The following BCLAF3 variants were observed in gnomAD, a reference collection of about 807,000 sequenced individuals.
The protein encoded by BCLAF3 is BCLAF1 and THRAP3 family member 3, also known as transient octamer binding factor 1.
In BCLAF3, 24 loss-of-function variants were observed where a neutral mutation model predicts 51.2. The observed-to-expected ratio is 0.47, with a 90% CI of 0.34 to 0.66. The LOEUF is 0.66. BCLAF3 is among the 30% of genes least tolerant of loss of function. BCLAF3 has a pLI of 0.01. For synonymous variants in BCLAF3, 152 were observed against 176.6 expected, an observed-to-expected ratio of 0.86 and a Z score of 1.10; for missense variants, 465 against 525.1, an observed-to-expected ratio of 0.89 and a Z score of 1.12.
intron 1 of BCLAF3, among the ~76,000 whole-genome samples, chrX:19,989,819 C>T (rs2072894541): frequency 9.1e-6 from 1 of 110,310 alleles, no homozygotes; most frequent in Non-Finnish European, 1.9e-5. Context: ...GTATAAATGG[C>T]TAAATGTTCC....
At position 19,913,941 on chromosome X, in the gene BCLAF3, A is replaced by G. The variant is rs1321210548; in HGVS notation, c.*3364T>C. 1 of 111,758 alleles carries G rather than the reference A, an allele frequency of 8.9e-6. No individual in the cohort carries two copies. The highest frequency in any genetic ancestry group is 1.9e-5 in the Non-Finnish European group (1 of 53,196). The allele number at this position is 111,758 out of a possible 1,213,427, so 9.2% of individuals were successfully genotyped here. On this transcript the variant is annotated 3_prime_UTR_variant, in exon 12 of 12. Transcript: ENST00000379682. ...ATGATTCCTCAGTTCTTAAATGTTC[A>G]TTCTGTATTTTAATGGACTCAGAGC...
rs1299520498 is a variant in BCLAF3 at position 19,915,028 on chromosome X, C to A, written c.*2277G>T. The A allele has an allele frequency of 9.1e-6, 1 of 109,741 alleles. No homozygotes were observed. Among genetic ancestry groups the A allele is most frequent in the Non-Finnish European group, 1.9e-5 (1 of 52,706 alleles). The allele number at this position is 109,741 out of a possible 1,213,427, so 9.0% of individuals were successfully genotyped here. A position where few individuals can be genotyped will look rare whatever the true frequency, so the allele number is the denominator to read the frequency against. Reference sequence around the variant, plus strand: ...AGGGACTGTGTCTTATTATCTTTGTCTTCCCAGTACCAGCGAAGGGCCTAG... The same window carrying A: ...AGGGACTGTGTCTTATTATCTTTGTATTCCCAGTACCAGCGAAGGGCCTAG... On this transcript the variant is annotated 3_prime_UTR_variant, in exon 12 of 12. Transcript: ENST00000379682.
In BCLAF3 at chrX:19,914,239, C is replaced by T. The variant is rs146601981; in HGVS notation, c.*3066G>A. On this transcript the variant is annotated 3_prime_UTR_variant, in exon 12 of 12. Transcript: ENST00000379682. ...TCTCCTCCACGTGGCCTGGTCACCT[C>T]GTCAGTGCCTTTGTCCATACTGGGG... The T allele has an allele frequency of 0.022, 2,448 of 111,502 alleles. 27 individuals carry two copies. The highest frequency in any genetic ancestry group is 0.034 in the Non-Finnish European group (1,809 of 53,143). 9.2% of individuals were successfully genotyped at this position (111,502 alleles called of 1,213,427 possible). A position where few individuals can be genotyped will look rare whatever the true frequency, so the allele number is the denominator to read the frequency against.
intron 1 of BCLAF3, among the ~76,000 whole-genome samples, chrX:19,974,448 C>T (rs907376958): frequency 8.9e-6 from 1 of 112,058 alleles, no homozygotes; most frequent in Non-Finnish European, 1.9e-5. Context: ...GGTCCAGGGG[C>T]TACAGAACCA....
chrX:19,961,849 C>T (rs950775462), intron 4 of BCLAF3, among the ~76,000 whole-genome samples: 2 of 112,185 alleles, frequency 1.8e-5, no homozygotes, highest in African/African-American at 6.5e-5. Context: ...CACAAGCCAT[C>T]CTGCAGGCCC....
chrX:19,966,086 T>A lies in BCLAF3; in HGVS notation c.605A>T (p.Gln202Leu). ...SEDFETRSSF[Q>L]KRYPEDRDFR... ...GTTTAATGTTTTCCTATACCTCTTC[T>A]GAAATGAGCTCCTTGTCTCAAAGTC... The change falls in exon 3 of 12, where the codon CAG becomes CTG. Residue 202 changes from glutamine to leucine, a missense_variant. Physicochemically the swap from Gln to Leu is moderately radical, Grantham distance 113. Transcript: ENST00000379682. 1.7e-6 allele frequency: 2 copies of A among 1,205,952 alleles called. No homozygotes were observed. The highest frequency in any genetic ancestry group is 1.1e-6 in the Non-Finnish European group (1 of 892,936).
chrX:19,921,239 G>A (rs2070147876), intron 11 of BCLAF3, among the ~76,000 whole-genome samples: 1 of 111,583 alleles, frequency 9.0e-6, no homozygotes, highest in Admixed American at 9.6e-5. Context: ...TGTGATCAAA[G>A]AGACTAAATT....
chrX:19,918,501 C>T (rs2070002158), intron 11 of BCLAF3, among the ~76,000 whole-genome samples: 1 of 104,573 alleles, frequency 9.6e-6, no homozygotes, highest in South Asian at 4.4e-4. Context: ...TCCCTCCACC[C>T]TTCCAATGAT....
At chrX:19,970,541 G>A (rs5955869) in intron 1 of BCLAF3, among the ~76,000 whole-genome samples, 33,019 of 110,631 alleles carry the variant, frequency 0.3, 5,669 homozygotes, top group African/African-American at 0.65. Flanking sequence ...TGCAGGCCAT[G>A]TAAGGTCTCT....
intron 10 of BCLAF3, among the ~76,000 whole-genome samples, chrX:19,932,716 G>A (rs2070614238): frequency 9.1e-6 from 1 of 109,527 alleles, no homozygotes; most frequent in South Asian, 3.9e-4. Flanking sequence ...ATTTTTAGTA[G>A]AGACAGGGTT....
chrX:19,982,034 T>C (rs1176115681), intron 1 of BCLAF3, among the ~76,000 whole-genome samples: 2 of 112,201 alleles, frequency 1.8e-5, no homozygotes, highest in Non-Finnish European at 3.8e-5. Context: ...ATGTTAATTC[T>C]ATCTCAACAA....
At chrX:19,917,796 G>C (rs1248036524) in intron 11 of BCLAF3, among the ~76,000 whole-genome samples, 1 of 111,711 alleles carries the variant, frequency 9.0e-6, no homozygotes, top group East Asian at 2.8e-4. Flanking sequence ...AAAGTTATTA[G>C]AGGGGGAAAT....
intron 10 of BCLAF3, 140 bp downstream of exon 10, chrX:19,935,669 T>C: frequency 2.0e-6 from 1 of 508,702 alleles, no homozygotes; most frequent in Admixed American, 3.1e-5. Flanking sequence ...TACAGTTAAC[T>C]ATAAATGTCC....
At chrX:19,928,552 C>T (rs2070436742) in intron 11 of BCLAF3, among the ~76,000 whole-genome samples, 1 of 110,950 alleles carries the variant, frequency 9.0e-6, no homozygotes, top group Non-Finnish European at 1.9e-5. Context: ...CATTGTACTC[C>T]AGCCTGGGGA....
intron 4 of BCLAF3, 36 bp from the exon 5 acceptor site, chrX:19,955,602 A>T (rs1312503601): frequency 9.2e-7 from 1 of 1,088,488 alleles, no homozygotes; most frequent in Non-Finnish European, 1.2e-6. Flanking sequence ...TAAATTTGAA[A>T]CTATTTTGTG....
intron 1 of BCLAF3, among the ~76,000 whole-genome samples, chrX:19,989,776 G>A (rs1406098307): frequency 2.7e-5 from 3 of 111,364 alleles, no homozygotes; most frequent in Non-Finnish European, 5.7e-5. Flanking sequence ...GTGAAACAAC[G>A]TATCTTCATT....
intron 10 of BCLAF3, among the ~76,000 whole-genome samples, chrX:19,933,200 G>A (rs2070631743): frequency 1.8e-5 from 2 of 112,239 alleles, no homozygotes; most frequent in South Asian, 7.4e-4. Flanking sequence ...TTTAGTGAAA[G>A]CCGAAATGTA....
In BCLAF3 at chrX:19,920,216, T is replaced by C. The variant is rs371628900; in HGVS notation, c.2107-2882A>G. Among the ~76,000 whole-genome samples, 19 of 112,081 alleles carry C rather than the reference T, an allele frequency of 1.7e-4. No homozygotes were observed. The East Asian group carries it at 5.3e-3, about 31-fold the overall frequency. ...CTCATTGATGAGGAAATTAAGTATG[T>C]TCTGTGAGACTCCACTGGGAGAGAA... On this transcript the variant is annotated intron_variant, in intron 11 of 11. Coordinates refer to ENST00000379682, the MANE Select transcript of BCLAF3 (RefSeq NM_001367774.2).
At chrX:19,939,042 G>A (rs1334057229) in intron 8 of BCLAF3, among the ~76,000 whole-genome samples, 1 of 112,164 alleles carries the variant, frequency 8.9e-6, no homozygotes, top group Non-Finnish European at 1.9e-5. Flanking sequence ...AATCTGACAT[G>A]AAATAGACAC....
Sources: gnomAD v4.1 joint callset for allele counts (sites outside exome capture counted in the v4.1 genomes callset) on GRCh38, gnomAD v4.1.1 for gene constraint, MANE v1.5 for transcripts, NCBI Gene and HGNC (gene_info 2026-07-23, HGNC 2026-07-21) for gene names.